HMCN2: variants seen among roughly 807,000 people sequenced by gnomAD.
The protein encoded by HMCN2 is hemicentin 2, also known as hemicentin-2.
Under a neutral mutation model 377.5 loss-of-function variants are expected in HMCN2, and 325 were observed. That is an observed-to-expected ratio of 0.86 (90% CI 0.79 to 0.94). The LOEUF (loss-of-function observed/expected upper bound fraction) is 0.94, where lower values mean the gene tolerates loss of function less well. Among genes scored for constraint, HMCN2 ranks in the 40% least tolerant of loss-of-function variants. HMCN2 has a pLI of 0.00. For synonymous variants in HMCN2, 2,007 were observed against 2,046.8 expected (o/e 0.98, Z 0.53); for missense variants, 4,543 against 4,725.3 (o/e 0.96, Z 1.13).
At chr9:130,316,524 C>A (rs1208712620) in intron 15 of HMCN2, among the ~76,000 whole-genome samples, 3 of 152,156 alleles carry the variant, frequency 2.0e-5, no homozygotes, top group African/African-American at 7.2e-5. Context: ...TCACCAGGCA[C>A]ATTTCCGGGT....
Position 130,304,323 on chromosome 9 carries a change from A to T in HMCN2, c.1544-407A>T, listed in dbSNP as rs782415937. Among the ~76,000 whole-genome samples, 5 of 152,168 alleles carry T rather than the reference A, an allele frequency of 3.3e-5. No individual in the cohort carries two copies. The highest frequency in any genetic ancestry group is 1.3e-4 in the Admixed American group (2 of 15,284). Reference sequence around the variant, plus strand: ...CTTGGGGGCATATTTGGCTGCTATAAATAGCCCTGCTGTTGGTACAGAGAA... The same window carrying T: ...CTTGGGGGCATATTTGGCTGCTATATATAGCCCTGCTGTTGGTACAGAGAA... On this transcript the variant is annotated intron_variant, in intron 10 of 97. Transcript: ENST00000683500. This position sits in a 1 kb window ranked among gnomAD's most constrained non-coding sequence, Gnocchi z 4.3.
In HMCN2 at chr9:130,377,637, T is replaced by A. The variant is rs1588345780; in HGVS notation, c.8062-12T>A. 1 of 985,812 alleles carries A rather than the reference T, an allele frequency of 1.0e-6. No individual in the cohort carries two copies. The highest frequency in any genetic ancestry group is 1.2e-6 in the Non-Finnish European group (1 of 829,882). The allele number at this position is 985,812 out of a possible 1,614,324, so 61.1% of individuals were successfully genotyped here. A position where few individuals can be genotyped will look rare whatever the true frequency, so the allele number is the denominator to read the frequency against. On this transcript the variant is annotated splice_polypyrimidine_tract_variant and intron_variant, in intron 52 of 97. Transcript: ENST00000683500. ...GATCTCCCTTCCCCTGACCCCCTCATCCTCCTCACAGCCCGTGACCCCCAG... is the reference window on the plus strand; with the variant it reads ...GATCTCCCTTCCCCTGACCCCCTCAACCTCCTCACAGCCCGTGACCCCCAG...
Position 130,355,022 on chromosome 9 carries a change from G to T in HMCN2, c.5124G>T (p.Leu1708=). Residue 1708 remains leucine, a synonymous_variant, in exon 32 of 98, where the codon CTG becomes CTT. Transcript: ENST00000683500. The stretch of plus-strand genomic sequence containing the variant: ...GCAGTCCTGCCGGGGAAGCCGTCCT[G>T]CAGTACTCCGTGGAGGTTCAGGGTG... ...VASSPAGEAV[L]QYSVEVQVPP... 1 of 1,288,456 alleles carries T rather than the reference G, an allele frequency of 7.8e-7. No homozygotes were observed. The allele number at this position is 1,288,456 out of a possible 1,614,324, so 79.8% of individuals were successfully genotyped here.
At chr9:130,295,261 G>C (rs946670009) in intron 5 of HMCN2, among the ~76,000 whole-genome samples, 1 of 152,092 alleles carries the variant, frequency 6.6e-6, no homozygotes, top group African/African-American at 2.4e-5. Context: ...TCCCTGCATC[G>C]TGAGACTCTC....
chr9:130,350,795 A>C (rs10901269), intron 29 of HMCN2, among the ~76,000 whole-genome samples: 90,134 of 150,066 alleles, frequency 0.6, 28,184 homozygotes, highest in Admixed American at 0.71. Context: ...AGTCTCCGCT[A>C]CTTGGGAGGC....
At position 130,382,727 on chromosome 9, in the gene HMCN2, C is replaced by T; in HGVS notation, c.8594C>T (p.Thr2865Ile). The change falls in exon 56 of 98, where the codon ACA (threonine) becomes ATA (isoleucine). Residue 2865 changes from threonine to isoleucine, a missense_variant. Physicochemically the swap from Thr to Ile is moderately conservative, Grantham distance 89. This residue lies in a region of HMCN2 where 736 missense variants were observed against 773.2 expected (regional missense o/e 0.95). Coordinates refer to ENST00000683500, the MANE Select transcript of HMCN2 (RefSeq NM_001291815.2). ...ACAGAGGAGCTGGTGGAAGAGGTGA[C>T]AGTCAATGCCAGCAGCACCGTCAGC... is the stretch of plus-strand genomic sequence containing the variant. ...GDTEELVEEVTVNASSTVSLQ... is the reference protein window; with the variant it reads ...GDTEELVEEVIVNASSTVSLQ... 2 of 985,786 alleles carry T rather than the reference C, an allele frequency of 2.0e-6. No homozygotes were observed. The highest frequency in any genetic ancestry group is 1.2e-6 in the Non-Finnish European group (1 of 829,954). The allele number at this position is 985,786 out of a possible 1,614,324, so 61.1% of individuals were successfully genotyped here.
At position 130,358,471 on chromosome 9, in the gene HMCN2, G is replaced by A. The variant is rs1416813882; in HGVS notation, c.5662G>A (p.Ala1888Thr). ...GGCTGGGGAGAGCAAGAGGGAAGTG[G>A]CGCTGAAAGTTTTGGGTGAGGACGT... ...NLAGESKREV[A>T]LKVLVPPNIE... Residue 1888 changes from alanine to threonine, a missense_variant, in exon 36 of 98, where the codon GCG becomes ACG. This residue lies in a region of HMCN2 where 1,032 missense variants were observed against 1,285.1 expected (regional missense o/e 0.80). Transcript: ENST00000683500. 10 of 1,304,272 alleles carry A rather than the reference G, an allele frequency of 7.7e-6. No individual in the cohort carries two copies. The highest frequency in any genetic ancestry group is 2.1e-4 in the Middle Eastern group (1 of 4,720). 80.8% of individuals were successfully genotyped at this position (1,304,272 alleles called of 1,614,324 possible).
In HMCN2 at chr9:130,294,922, A is replaced by G. The variant is rs554969733; in HGVS notation, c.680A>G (p.Glu227Gly). The change falls in exon 5 of 98, where the codon GAG becomes GGG. Residue 227 changes from glutamate (E) to glycine (G), a missense_variant. Glu to Gly is a moderately conservative substitution (Grantham distance 98, BLOSUM62 -2). Around this residue, in one of 5 missense-constraint regions of HMCN2, gnomAD observed 547 missense variants for 189.9 expected, o/e 2.88. Coordinates refer to ENST00000683500, the MANE Select transcript of HMCN2 (RefSeq NM_001291815.2). ...CACCTGCTGTCCACAGACCACGAGGAGGAGGGGGAGCACACATGGAGACTC... is the reference window on the plus strand; with the variant it reads ...CACCTGCTGTCCACAGACCACGAGGGGGAGGGGGAGCACACATGGAGACTC... ...KVHLLSTDHE[E>G]EGEHTWRLPF... The G allele has an allele frequency of 2.1e-6, 1 of 470,684 alleles. No individual in the cohort carries two copies. The highest frequency in any genetic ancestry group is 2.4e-5 in the Admixed American group (1 of 42,514). 29.2% of individuals were successfully genotyped at this position (470,684 alleles called of 1,614,324 possible).
At chr9:130,389,099 G>A (rs79430482) in intron 62 of HMCN2, among the ~76,000 whole-genome samples, 3,511 of 152,274 alleles carry the variant, frequency 0.023, 135 homozygotes, top group African/African-American at 0.081. Flanking sequence ...GCTCGGAGCT[G>A]GTCCCTTGTC....
chr9:130,433,448 G>C lies in HMCN2; in HGVS notation c.14995G>C (p.Asp4999His), dbSNP rs763915336. The change falls in exon 98 of 98, where the codon GAC becomes CAC. Residue 4999 changes from aspartate to histidine, a missense_variant. Transcript: ENST00000683500. ...GCCCCTGGGCGTGCGCGCCCACCAC[G>C]ACGTGGCCCGCCTCACCGCCTTCTC... ...PLPLGVRAHH[D>H]VARLTAFSEV... is the part of the protein sequence containing the mutation. The C allele has an allele frequency of 1.8e-5, 27 of 1,498,328 alleles. No homozygotes were observed. The highest frequency in any genetic ancestry group is 2.3e-5 in the Non-Finnish European group (26 of 1,131,796). The allele number at this position is 1,498,328 out of a possible 1,614,324, so 92.8% of individuals were successfully genotyped here.
chr9:130,279,110 C>A (rs1834969699), intron 1 of HMCN2, among the ~76,000 whole-genome samples: 1 of 150,208 alleles, frequency 6.7e-6, no homozygotes, highest in Non-Finnish European at 1.5e-5. Flanking sequence ...GTTGGTCAGG[C>A]TGATGGTCTC....
At chr9:130,425,455 G>A (rs1036542583) in intron 89 of HMCN2, among the ~76,000 whole-genome samples, 1 of 151,634 alleles carries the variant, frequency 6.6e-6, no homozygotes, top group African/African-American at 2.4e-5. Context: ...TCCTCCCAAG[G>A]CTCACCCCAT....
chr9:130,370,255 C>A (rs944319444), intron 45 of HMCN2, among the ~76,000 whole-genome samples: 3 of 152,110 alleles, frequency 2.0e-5, no homozygotes, highest in African/African-American at 7.2e-5. Context: ...GAGGAGGTGC[C>A]TTTTAAGCTG....
At chr9:130,326,869 G>A (rs931277796) in intron 21 of HMCN2, among the ~76,000 whole-genome samples, 1 of 152,184 alleles carries the variant, frequency 6.6e-6, no homozygotes, top group South Asian at 2.1e-4. Context: ...CCCTCACCAG[G>A]CTTCGAGAGG....
chr9:130,385,970 G>A (rs1288849658), intron 60 of HMCN2, among the ~76,000 whole-genome samples: 1 of 152,174 alleles, frequency 6.6e-6, no homozygotes, highest in Non-Finnish European at 1.5e-5. Context: ...ACCCAGCCCT[G>A]CAGTCATGGC....
At chr9:130,366,626 G>T (rs917714458) in intron 43 of HMCN2, among the ~76,000 whole-genome samples, 6 of 151,850 alleles carry the variant, frequency 4.0e-5, no homozygotes, top group African/African-American at 1.5e-4. Flanking sequence ...GCTAATTTTT[G>T]TATTTTTAGT....
chr9:130,346,844 G>A (rs1488736828), intron 25 of HMCN2, among the ~76,000 whole-genome samples: 1 of 152,140 alleles, frequency 6.6e-6, no homozygotes, highest in Non-Finnish European at 1.5e-5. Flanking sequence ...AGGGGCTGGG[G>A]GTGCCTGTTG....
At chr9:130,302,669 A>G (rs1405631281) in intron 8 of HMCN2, among the ~76,000 whole-genome samples, 188 bp from the exon 9 acceptor site, 1 of 152,194 alleles carries the variant, frequency 6.6e-6, no homozygotes, top group African/African-American at 2.4e-5. Context: ...TCAGGACAAC[A>G]GGACGAGGAT....
At chr9:130,418,279 G>A (rs147527665) in intron 85 of HMCN2, among the ~76,000 whole-genome samples, 1 of 152,270 alleles carries the variant, frequency 6.6e-6, no homozygotes, top group East Asian at 1.9e-4. Flanking sequence ...AAAAGCAGAT[G>A]GCCGGGCGTG....
Sources: gnomAD v4.1 joint callset for allele counts (sites outside exome capture counted in the v4.1 genomes callset) on GRCh38, gnomAD v4.1.1 for gene constraint, gnomAD v4.1.1 regional missense constraint, Gnocchi (gnomAD v3.1) non-coding constraint, MANE v1.5 for transcripts, NCBI Gene and HGNC (gene_info 2026-07-23, HGNC 2026-07-21) for gene names.